The following DNAH11 variants were observed in gnomAD, a reference collection of about 807,000 sequenced individuals.
DNAH11 encodes dynein axonemal heavy chain 11.
A neutral mutation model predicts 526.0 loss-of-function variants in DNAH11; 442 were observed. That is an observed-to-expected ratio of 0.84 (90% CI 0.78 to 0.91). The LOEUF (loss-of-function observed/expected upper bound fraction) is 0.91. DNAH11 is among the 40% of genes least tolerant of loss of function. DNAH11 has a pLI of 0.00. For synonymous variants in DNAH11, 2,461 were observed against 1,935.9 expected, an observed-to-expected ratio of 1.27 and a Z score of -7.12; for missense variants, 6,989 against 5,448.7, an observed-to-expected ratio of 1.28 and a Z score of -8.90.
Position 21,617,709 on chromosome 7 carries a change from G to A in DNAH11, c.4186G>A (p.Ala1396Thr), listed in dbSNP as rs1785844869. ...TAAGGACATGACAGCCTCCCTGAGGGCCATCACAGAGTTACAGAGCCCTGC... is the reference window on the plus strand; with the variant it reads ...TAAGGACATGACAGCCTCCCTGAGGACCATCACAGAGTTACAGAGCCCTGC... ...TVKDMTASLR[A>T]ITELQSPALR... The change falls in exon 23 of 82, where the codon GCC (alanine) becomes ACC (threonine). Residue 1396 changes from alanine to threonine, a missense_variant. Physicochemically the swap from Ala to Thr is moderately conservative, Grantham distance 58. Coordinates refer to ENST00000409508, the MANE Select transcript of DNAH11 (RefSeq NM_001277115.2). 1 of 1,613,704 alleles carries A rather than the reference G, an allele frequency of 6.2e-7. No homozygotes were observed. The highest frequency in any genetic ancestry group is 1.7e-4 in the Middle Eastern group (1 of 6,052).
chr7:21,705,461 T>G lies in DNAH11; in HGVS notation c.6470T>G (p.Val2157Gly). 19 of 1,613,654 alleles carry G rather than the reference T, an allele frequency of 1.2e-5. No homozygotes were observed. Among genetic ancestry groups the G allele is most frequent in the Non-Finnish European group, 1.5e-5 (18 of 1,179,672 alleles). Reference sequence around the variant, plus strand: ...AGCAACCAGCTGTTTGCTCTGCAGGTTGTCCAGCTTGAGGAACTGTTGGCT... The same window carrying G: ...AGCAACCAGCTGTTTGCTCTGCAGGGTGTCCAGCTTGAGGAACTGTTGGCT... Reference protein sequence around the residue: ...LQPEESFILKVVQLEELLAVR... With the variant: ...LQPEESFILKGVQLEELLAVR... Residue 2157 changes from valine (V) to glycine (G), a missense_variant and splice_region_variant, in exon 39 of 82, where the codon GTT becomes GGT. Coordinates refer to ENST00000409508, the MANE Select transcript of DNAH11 (RefSeq NM_001277115.2).
intron 6 of DNAH11, 104 bp downstream of exon 6, chr7:21,564,501 C>A (rs999069506): frequency 4.0e-5 from 31 of 769,966 alleles, no homozygotes; most frequent in Admixed American, 6.9e-5. Context: ...CACCATCTTT[C>A]TTTTTCTTTT....
chr7:21,867,649 A>C (rs1783332251), intron 71 of DNAH11, among the ~76,000 whole-genome samples: 1 of 152,116 alleles, frequency 6.6e-6, no homozygotes, highest in South Asian at 2.1e-4. Context: ...TAGGCTTCTG[A>C]TTTTCAGAGC....
At chr7:21,610,988 T>C (rs1351205804) in intron 20 of DNAH11, among the ~76,000 whole-genome samples, 1 of 152,190 alleles carries the variant, frequency 6.6e-6, no homozygotes, top group Non-Finnish European at 1.5e-5. Context: ...AATTTAGGTG[T>C]CAACCTGACT....
intron 6 of DNAH11, among the ~76,000 whole-genome samples, chr7:21,567,831 C>T (rs1299486381): frequency 2.0e-5 from 3 of 152,210 alleles, no homozygotes; most frequent in Admixed American, 1.3e-4. Flanking sequence ...AAGGCATCAC[C>T]TGTTCACCTT....
chr7:21,607,117 G>A (rs538059794), intron 20 of DNAH11, among the ~76,000 whole-genome samples: 35 of 152,236 alleles, frequency 2.3e-4, no homozygotes, highest in Non-Finnish European at 4.1e-4. Flanking sequence ...CCAGCATTGC[G>A]GCCTTGAGTC....
intron 30 of DNAH11, among the ~76,000 whole-genome samples, chr7:21,668,919 C>T (rs747255017): frequency 2.0e-5 from 3 of 152,130 alleles, no homozygotes; most frequent in African/African-American, 7.2e-5. Flanking sequence ...AAACAGTTCT[C>T]TATTGTTAAT....
chr7:21,871,042 C>T (rs77737570), intron 73 of DNAH11, among the ~76,000 whole-genome samples: 3,612 of 152,256 alleles, frequency 0.024, 144 homozygotes, highest in African/African-American at 0.081. Flanking sequence ...ATTACATTAA[C>T]GTGGGTATAT....
At position 21,900,072 on chromosome 7, in the gene DNAH11, G is replaced by A. The variant is rs1440713282; in HGVS notation, c.13255G>A (p.Gly4419Arg). Residue 4419 changes from glycine (G) to arginine (R), a missense_variant, in exon 81 of 82, where the codon GGA becomes AGA. By Grantham distance (125) the Gly-to-Arg change is moderately radical (BLOSUM62 -2). Transcript: ENST00000409508. ...TACCAAAAAAACAAAGGAAGATTAT[G>A]GACACCCGCCAAGGGAAGGTGCATA... ...DVTKKTKEDYGHPPREGAYLH... is the reference protein window; with the variant it reads ...DVTKKTKEDYRHPPREGAYLH... The A allele has an allele frequency of 8.7e-6, 14 of 1,613,800 alleles. No homozygotes were observed. The highest frequency in any genetic ancestry group is 1.3e-5 in the African/African-American group (1 of 74,894).
intron 81 of DNAH11, 36 bp downstream of exon 81, chr7:21,900,156 C>G (rs1224654897): frequency 5.1e-6 from 8 of 1,581,310 alleles, no homozygotes; most frequent in Non-Finnish European, 6.9e-6. Context: ...GGAACCTTTT[C>G]TTACTCAGGT....
intron 67 of DNAH11, 84 bp downstream of exon 67, chr7:21,852,715 T>C (rs1458396644): frequency 1.4e-6 from 2 of 1,412,422 alleles, no homozygotes; most frequent in Non-Finnish European, 1.9e-6. Context: ...TCAGACTTGG[T>C]AATTCCTCTA....
intron 9 of DNAH11, among the ~76,000 whole-genome samples, chr7:21,586,882 G>A (rs1045945974): frequency 6.6e-6 from 1 of 152,214 alleles, no homozygotes; most frequent in African/African-American, 2.4e-5. Context: ...ATTAGCTGAT[G>A]AGAAGCTACA....
Position 21,720,830 on chromosome 7 carries a change from T to C in DNAH11, c.7240T>C (p.Phe2414Leu), listed in dbSNP as rs1415224732. Residue 2414 changes from phenylalanine (F) to leucine (L), a missense_variant, in exon 44 of 82, where the codon TTT (phenylalanine) becomes CTT (leucine). Coordinates refer to ENST00000409508, the MANE Select transcript of DNAH11 (RefSeq NM_001277115.2). ...VYFVFACIWA[F>L]GGTLLQDQIS... Reference sequence around the variant, plus strand: ...TTTTGTATTTGCTTGTATCTGGGCTTTTGGAGGCACCCTGCTACAAGATCA... The same window carrying C: ...TTTTGTATTTGCTTGTATCTGGGCTCTTGGAGGCACCCTGCTACAAGATCA... 6.2e-7 allele frequency: 1 copy of C among 1,613,100 alleles called. No individual in the cohort carries two copies. Among genetic ancestry groups the C allele is most frequent in the Non-Finnish European group, 8.5e-7 (1 of 1,179,498 alleles).
chr7:21,645,849 A>G (rs1787333798), intron 28 of DNAH11, among the ~76,000 whole-genome samples: 1 of 152,162 alleles, frequency 6.6e-6, no homozygotes, highest in Admixed American at 6.5e-5. Context: ...AACGATATAC[A>G]ACATGTGAGG....
In DNAH11 at chr7:21,744,611, A is replaced by T. The variant is rs891263202; in HGVS notation, c.8316+12A>T. 4 of 1,612,128 alleles carry T rather than the reference A, an allele frequency of 2.5e-6. No homozygotes were observed. Among genetic ancestry groups the T allele is most frequent in the African/African-American group, 1.3e-5 (1 of 74,742 alleles). On this transcript the variant is annotated intron_variant, in intron 50 of 81. Coordinates refer to ENST00000409508, the MANE Select transcript of DNAH11 (RefSeq NM_001277115.2). Reference sequence around the variant, plus strand: ...ATAAATATTTTGAAGTAAGCGTATGAATGTCAGAGGTCACTACTTACTCCA... The same window carrying T: ...ATAAATATTTTGAAGTAAGCGTATGTATGTCAGAGGTCACTACTTACTCCA...
intron 42 of DNAH11, among the ~76,000 whole-genome samples, chr7:21,715,992 G>A (rs548196699): frequency 6.6e-6 from 1 of 152,020 alleles, no homozygotes; most frequent in South Asian, 2.1e-4. Flanking sequence ...ATTTGCTAGT[G>A]GGATCGGTAG....
chr7:21,868,281 T>A (rs754318682), intron 72 of DNAH11, among the ~76,000 whole-genome samples: 1 of 152,150 alleles, frequency 6.6e-6, no homozygotes, highest in Non-Finnish European at 1.5e-5. Flanking sequence ...ATTTTCCACA[T>A]GCTCATGTAA....
At position 21,591,181 on chromosome 7, in the gene DNAH11, T is replaced by C. The variant is rs1300240253; in HGVS notation, c.2275-4T>C. On this transcript the variant is annotated splice_region_variant and splice_polypyrimidine_tract_variant and intron_variant, in intron 13 of 81. Coordinates refer to ENST00000409508, the MANE Select transcript of DNAH11 (RefSeq NM_001277115.2). ...CTTTTTGTTTTGGGGTTTTCTTTGC[T>C]CAGTACATTGGAAATCTTGACCTTC... 1.3e-6 allele frequency: 2 copies of C among 1,539,438 alleles called. No individual in the cohort carries two copies. Among genetic ancestry groups the C allele is most frequent in the East Asian group, 2.3e-5 (1 of 44,390 alleles).
At chr7:21,754,475 T>C (rs1177460543) in intron 54 of DNAH11, among the ~76,000 whole-genome samples, 1 of 152,194 alleles carries the variant, frequency 6.6e-6, no homozygotes, top group African/African-American at 2.4e-5. Flanking sequence ...TATATTCATC[T>C]CTATTGTTGT....
Sources: allele counts gnomAD v4.1 joint callset (sites outside exome capture counted in the v4.1 genomes callset), GRCh38; gene constraint gnomAD v4.1.1; transcripts MANE v1.5; gene names NCBI Gene and HGNC (gene_info 2026-07-23, HGNC 2026-07-21).